The following SLC9C2 variants were observed in gnomAD, a reference collection of about 807,000 sequenced individuals.
SLC9C2 encodes solute carrier family 9 member C2 (putative), also known as sodium/hydrogen exchanger 11.
SLC9C2 carries 75 observed loss-of-function variants against 140.2 expected under a neutral mutation model. That is an observed-to-expected ratio of 0.53 (90% CI 0.44 to 0.65). The LOEUF is 0.65. Ranked by LOEUF, SLC9C2 falls within the 30% of genes least tolerant of loss-of-function variation. SLC9C2 has a pLI of 0.00. For missense variants in SLC9C2, 1,074 were observed against 1,331.8 expected (o/e 0.81, Z 3.01); for synonymous variants, 375 against 420.9 (o/e 0.89, Z 1.34).
chr1:173,511,552 A>G (rs1397189244), intron 23 of SLC9C2, among the ~76,000 whole-genome samples: 1 of 152,152 alleles, frequency 6.6e-6, no homozygotes, highest in Non-Finnish European at 1.5e-5. Flanking sequence ...GATTCCGGAT[A>G]TTAGACCTTT....
intron 24 of SLC9C2, among the ~76,000 whole-genome samples, chr1:173,507,431 C>A (rs1659724955): frequency 6.6e-6 from 1 of 151,970 alleles, no homozygotes; most frequent in African/African-American, 2.4e-5. Context: ...ACAAAGCAAG[C>A]TAGAGTCTGA....
chr1:173,574,656 A>G (rs1326293138), intron 8 of SLC9C2, among the ~76,000 whole-genome samples: 4 of 151,414 alleles, frequency 2.6e-5, no homozygotes, highest in Admixed American at 6.6e-5. Context: ...GACTACAGGC[A>G]CCCGCCACCA....
At chr1:173,576,553 G>A in intron 8 of SLC9C2, 108 bp downstream of exon 8, 2 of 623,912 alleles carry the variant, frequency 3.2e-6, no homozygotes, top group Non-Finnish European at 5.4e-6. Flanking sequence ...AAATTTTCAA[G>A]ATAAAGAAAG....
chr1:173,565,679 T>G (rs1664424695), intron 9 of SLC9C2, among the ~76,000 whole-genome samples: 1 of 152,216 alleles, frequency 6.6e-6, no homozygotes, highest in African/African-American at 2.4e-5. Flanking sequence ...CAGATTACCT[T>G]TGGTTATTCT....
At chr1:173,516,384 G>T (rs1660420339) in intron 23 of SLC9C2, among the ~76,000 whole-genome samples, 1 of 152,146 alleles carries the variant, frequency 6.6e-6, no homozygotes, top group Non-Finnish European at 1.5e-5. Context: ...TGTCATGAGG[G>T]TTTGTTGTAC....
intron 9 of SLC9C2, among the ~76,000 whole-genome samples, chr1:173,567,169 T>A (rs1664526066): frequency 6.6e-6 from 1 of 152,130 alleles, no homozygotes; most frequent in African/African-American, 2.4e-5. Context: ...GTTCTGTAAA[T>A]ATCTATAAGG....
intron 7 of SLC9C2, among the ~76,000 whole-genome samples, chr1:173,578,263 C>T (rs993135342): frequency 3.3e-5 from 5 of 152,198 alleles, no homozygotes; most frequent in African/African-American, 4.8e-5. Context: ...AAAGAGGTGA[C>T]TCTCCAACCT....
At chr1:173,524,614 C>T (rs753257609) in intron 20 of SLC9C2, among the ~76,000 whole-genome samples, 165 bp downstream of exon 20, 4 of 152,072 alleles carry the variant, frequency 2.6e-5, no homozygotes, top group East Asian at 3.8e-4. Flanking sequence ...TGGAGTGTAC[C>T]GGATTGCATC....
At chr1:173,521,620 T>C (rs1400733099) in intron 21 of SLC9C2, among the ~76,000 whole-genome samples, 2 of 151,140 alleles carry the variant, frequency 1.3e-5, no homozygotes, top group African/African-American at 4.8e-5. Context: ...AACGTGCTAA[T>C]ATACCACATC....
At chr1:173,554,348 T>C (rs1363398308) in intron 11 of SLC9C2, among the ~76,000 whole-genome samples, 1 of 152,164 alleles carries the variant, frequency 6.6e-6, no homozygotes, top group Non-Finnish European at 1.5e-5. Flanking sequence ...TTCTAGTTGG[T>C]TGGATTGTAG....
chr1:173,557,224 T>C, intron 10 of SLC9C2, 116 bp downstream of exon 10: 6 of 946,610 alleles, frequency 6.3e-6, no homozygotes, highest in Non-Finnish European at 9.7e-6. Context: ...CTTAAAAGAA[T>C]GCATTTTAAA....
rs758347375 is a variant in SLC9C2, at chr1:173,600,109, T to G, written c.228+8A>C. 30 of 1,570,672 alleles carry G rather than the reference T, an allele frequency of 1.9e-5. No homozygotes were observed. The South Asian group carries it at 3.0e-4, about 16-fold the overall frequency. Reference sequence around the variant, plus strand: ...CCTTTATTCTCTAATTTATTGTACATACAGTACCTCAACAGAATTGTAGGC... The same window carrying G: ...CCTTTATTCTCTAATTTATTGTACAGACAGTACCTCAACAGAATTGTAGGC... On this transcript the variant is annotated splice_region_variant and intron_variant, in intron 3 of 27. Coordinates refer to ENST00000367714, the MANE Select transcript of SLC9C2 (RefSeq NM_178527.4).
At chr1:173,505,457 C>G (rs1286705334) in intron 25 of SLC9C2, 126 bp from the exon 26 acceptor site, 2 of 668,816 alleles carry the variant, frequency 3.0e-6, no homozygotes, top group Non-Finnish European at 5.1e-6. Context: ...AATCTTGGCT[C>G]TATATTCTAA....
intron 25 of SLC9C2, 105 bp downstream of exon 25, chr1:173,506,751 G>T: frequency 1.1e-6 from 1 of 896,786 alleles, no homozygotes; most frequent in South Asian, 1.7e-5. Context: ...AGAACTACAG[G>T]GTCATTCCAG....
At chr1:173,548,289 C>CT in intron 12 of SLC9C2, 100 bp downstream of exon 12, 1 of 1,202,104 alleles carries the variant, frequency 8.3e-7, no homozygotes, top group Non-Finnish European at 1.2e-6. Context: ...AGTTTTGTGA[C>CT]ATTTAATTAG....
At chr1:173,585,944 G>C (rs1482396202) in intron 5 of SLC9C2, among the ~76,000 whole-genome samples, 1 of 151,788 alleles carries the variant, frequency 6.6e-6, no homozygotes. Flanking sequence ...CTCCAGCCTG[G>C]GGTATAGAGC....
Position 173,533,686 on chromosome 1 carries a change from G to T in SLC9C2, c.2086C>A (p.Pro696Thr). 2 of 1,612,134 alleles carry T rather than the reference G, an allele frequency of 1.2e-6. No homozygotes were observed. The highest frequency in any genetic ancestry group is 1.7e-6 in the Non-Finnish European group (2 of 1,178,592). The change falls in exon 17 of 28, where the codon CCA (proline) becomes ACA (threonine). Residue 696 changes from proline (P) to threonine (T), a missense_variant. Transcript: ENST00000367714. ...AGCTGTATAAGAGCCAAGTTGTCTG[G>T]TCTCAATTTCACAAAGTATACACAA... ...IFCVYFVKLR[P>T]DNLALIQLTV...
chr1:173,547,775 C>A lies in SLC9C2; in HGVS notation c.1471G>T (p.Val491Phe). 3.7e-6 allele frequency: 6 copies of A among 1,607,862 alleles called. No individual in the cohort carries two copies. The highest frequency in any genetic ancestry group is 5.1e-6 in the Non-Finnish European group (6 of 1,175,718). ...TRIEYIPFSHVSHNDMKTEST... is the reference protein window; with the variant it reads ...TRIEYIPFSHFSHNDMKTEST... ...TCTGTCTTCATATCATTATGTGAAACGTGGGAAAACTGAACCGTATCAGAT... is the reference window on the plus strand; with the variant it reads ...TCTGTCTTCATATCATTATGTGAAAAGTGGGAAAACTGAACCGTATCAGAT... Residue 491 changes from valine to phenylalanine, a missense_variant, in exon 13 of 28, where the codon GTT becomes TTT. By Grantham distance (50) the Val-to-Phe change is conservative. Transcript: ENST00000367714.
chr1:173,537,606 A>ATGTGTG (rs957518425), intron 13 of SLC9C2, among the ~76,000 whole-genome samples: 5 of 69,574 alleles, frequency 7.2e-5, no homozygotes, highest in African/African-American at 2.5e-4. Flanking sequence ...GTGTATATAT[A>ATGTGTG]TGTATATATA....
Sources: gnomAD v4.1 joint callset for allele counts (sites outside exome capture counted in the v4.1 genomes callset) on GRCh38, gnomAD v4.1.1 for gene constraint, MANE v1.5 for transcripts, NCBI Gene and HGNC (gene_info 2026-07-23, HGNC 2026-07-21) for gene names.